Variants in PKD1 observed in about 807,000 individuals in gnomAD.
The protein encoded by PKD1 is polycystin-1.
Under a neutral mutation model 361.7 loss-of-function variants are expected in PKD1, and 81 were observed. The ratio of observed to expected loss-of-function variants is 0.22; its 90% CI spans 0.19 to 0.27. PKD1 has a LOEUF of 0.27. PKD1 is among the 10% of genes least tolerant of loss of function. PKD1 has a pLI of 1.00. For missense variants in PKD1, 6,399 were observed against 6,118.3 expected (o/e 1.05, Z -1.53); for synonymous variants, 3,615 against 2,818.3 (o/e 1.28, Z -8.95).
At chr16:2,099,426 C>T (rs1329304336) in intron 30 of PKD1, 14 of 651,726 alleles carry the variant, frequency 2.1e-5, no homozygotes, top group Non-Finnish European at 3.9e-5. Context: ...GTCTGCTTAG[C>T]AAAGTGCCCT....
At position 2,102,900 on chromosome 16, in the gene PKD1, C is replaced by A; in HGVS notation, c.8862G>T (p.Glu2954Asp). ...TCCTCCTGCTAGCCGAGCAGTTGTG[C>A]TCATTGGGCCGGGGCTCCGAGTGTA... The part of the protein sequence containing the change: ...VYLHSEPRPN[E>D]HNCSASRRIR... The change falls in exon 24 of 46, where the codon GAG becomes GAT. Residue 2954 changes from glutamate to aspartate, a missense_variant. Glu to Asp is a conservative substitution (Grantham distance 45). Coordinates refer to ENST00000262304, the MANE Select transcript of PKD1 (RefSeq NM_001009944.3). 6.2e-7 allele frequency: 1 copy of A among 1,609,994 alleles called. No individual in the cohort carries two copies. Among genetic ancestry groups the A allele is most frequent in the South Asian group, 1.1e-5 (1 of 90,994 alleles).
In PKD1 at chr16:2,135,554, C is replaced by G; in HGVS notation, c.136G>C (p.Ala46Pro). Residue 46 changes from alanine (A) to proline (P), a missense_variant, in exon 1 of 46, where the codon GCC (alanine) becomes CCC (proline). By Grantham distance (27) the Ala-to-Pro change is conservative (BLOSUM62 -1). Coordinates refer to ENST00000262304, the MANE Select transcript of PKD1 (RefSeq NM_001009944.3). ...CGGCCCGAGCAGTTGACGCGGCAGG[C>G]GGCGCCGGGCGCTGGGCCGCAGAGG... ...PCLCGPAPGA[A>P]CRVNCSGRGL... 8.9e-7 allele frequency: 1 copy of G among 1,125,674 alleles called. No individual in the cohort carries two copies. Among genetic ancestry groups the G allele is most frequent in the South Asian group, 4.3e-5 (1 of 23,386 alleles). 69.7% of individuals were successfully genotyped at this position (1,125,674 alleles called of 1,614,324 possible). A position where few individuals can be genotyped will look rare whatever the true frequency, so the allele number is the denominator to read the frequency against.
intron 1 of PKD1, among the ~76,000 whole-genome samples, chr16:2,121,515 G>A (rs1473262724): frequency 1.3e-5 from 2 of 152,200 alleles, no homozygotes; most frequent in Admixed American, 1.3e-4. Context: ...CATGTCAGTA[G>A]TCAGTGAAGA....
chr16:2,090,766 C>T lies in PKD1; in HGVS notation c.12046G>A (p.Gly4016Ser), dbSNP rs1302467606. 4 of 1,612,610 alleles carry T rather than the reference C, an allele frequency of 2.5e-6. No homozygotes were observed. Among genetic ancestry groups the T allele is most frequent in the East Asian group, 2.2e-5 (1 of 44,880 alleles). The part of the protein sequence containing the change: ...LRFVRQWSVF[G>S]KTLCRALPEL... ...GGCAGAGCTCGGCATAATGTCTTGC[C>T]AAAGACGGACCACTGGCGCACGAAG... Residue 4016 changes from glycine (G) to serine (S), a missense_variant, in exon 44 of 46, where the codon GGC (glycine) becomes AGC (serine). Transcript: ENST00000262304.
At position 2,109,346 on chromosome 16, in the gene PKD1, G is replaced by A. The variant is rs951092913; in HGVS notation, c.5821C>T (p.Pro1941Ser). The A allele has an allele frequency of 1.9e-6, 3 of 1,591,436 alleles. No individual in the cohort carries two copies. The highest frequency in any genetic ancestry group is 2.6e-6 in the Non-Finnish European group (3 of 1,173,262). ...CTCACCACGTGGTCTCCGACGCGGG[G>A]GAAGCTGTGGGAGAAACGGGGCCCG... ...LPGPRFSHSF[P>S]RVGDHVVSVR... Residue 1941 changes from proline to serine, a missense_variant, in exon 15 of 46, where the codon CCC becomes TCC. Transcript: ENST00000262304.
chr16:2,112,685 G>A (rs1258465996), intron 13 of PKD1, 103 bp downstream of exon 13: 18 of 1,311,102 alleles, frequency 1.4e-5, no homozygotes, highest in Non-Finnish European at 1.8e-5. Context: ...CAGGGAAACC[G>A]AGGCTCAGAA....
chr16:2,128,418 C>T lies in PKD1; in HGVS notation c.215+7057G>A, dbSNP rs532731383. 1.8e-3 allele frequency among the ~76,000 whole-genome samples: 265 copies of T among 151,124 alleles called. 4 individuals are homozygous for T. Among genetic ancestry groups the T allele is most frequent in the Non-Finnish European group, 1.8e-3 (124 of 67,806 alleles). ...CCCTCAGCCCCTCGGGGAGTGCAAG[C>T]ACATCGCAGCCCGACTCGGAAGCGC... is the stretch of plus-strand genomic sequence containing the variant. On this transcript the variant is annotated intron_variant, in intron 1 of 45. Coordinates refer to ENST00000262304, the MANE Select transcript of PKD1 (RefSeq NM_001009944.3).
chr16:2,122,351 C>T (rs1320232567), intron 1 of PKD1, among the ~76,000 whole-genome samples: 2 of 152,174 alleles, frequency 1.3e-5, no homozygotes, highest in Non-Finnish European at 2.9e-5. Context: ...CCCTGGGCTC[C>T]GGGAGGGGAG....
intron 41 of PKD1, 45 bp downstream of exon 41, chr16:2,091,736 G>A: frequency 6.2e-7 from 1 of 1,602,742 alleles, no homozygotes; most frequent in Non-Finnish European, 8.5e-7. Flanking sequence ...GCTCCTGGCT[G>A]GTGACTGCGG....
chr16:2,100,812 G>A lies in PKD1; in HGVS notation c.9398-246C>T, dbSNP rs1335185130. On this transcript the variant is annotated intron_variant, in intron 26 of 45. Transcript: ENST00000262304. The surrounding 1 kb of genome is among the most constrained non-coding windows in gnomAD (Gnocchi z 4.4). Reference sequence around the variant, plus strand: ...TAACTTGTGACATGCAAACATGGCTGCACACGCCTCAGTCCACACCACAAC... The same window carrying A: ...TAACTTGTGACATGCAAACATGGCTACACACGCCTCAGTCCACACCACAAC... The A allele has an allele frequency of 5.4e-6, 3 of 552,920 alleles. No individual in the cohort carries two copies. The highest frequency in any genetic ancestry group is 9.8e-6 in the Non-Finnish European group (3 of 305,612). 34.3% of individuals were successfully genotyped at this position (552,920 alleles called of 1,614,324 possible).
chr16:2,101,837 C>T (rs1190232500), intron 26 of PKD1: 11 of 615,338 alleles, frequency 1.8e-5, no homozygotes, highest in Non-Finnish European at 2.9e-5. Context: ...ACGTGGGCTG[C>T]CCACCCTGAC....
rs184555741 is a variant in PKD1, at chr16:2,096,436, G to A, written c.10499+712C>T. Among the ~76,000 whole-genome samples, 532 of 152,336 alleles carry A rather than the reference G, an allele frequency of 3.5e-3. 1 individual carries two copies. The highest frequency in any genetic ancestry group is 0.012 in the African/African-American group (511 of 41,588). The stretch of plus-strand genomic sequence containing the variant: ...CGCTCCGCCGCCGGCTGCCATGTGC[G>A]TGACTATGTGCGTGACTACATACAA... On this transcript the variant is annotated intron_variant, in intron 34 of 45. Coordinates refer to ENST00000262304, the MANE Select transcript of PKD1 (RefSeq NM_001009944.3).
At position 2,106,506 on chromosome 16, in the gene PKD1, C is replaced by A. The variant is rs142261601; in HGVS notation, c.7381G>T (p.Ala2461Ser). The part of the protein sequence containing the change: ...LGRSGEEEGC[A>S]SIRLSPNRPP... ...CGGTTGGGGGACAGGCGGATGGAGGCGCAGCCCTCCTCCTCGCCAGAGCGG... is the reference window on the plus strand; with the variant it reads ...CGGTTGGGGGACAGGCGGATGGAGGAGCAGCCCTCCTCCTCGCCAGAGCGG... The change falls in exon 18 of 46, where the codon GCC becomes TCC. Residue 2461 changes from alanine to serine, a missense_variant. Transcript: ENST00000262304. The surrounding 1 kb of genome is among the most constrained non-coding windows in gnomAD (Gnocchi z 6.5). 6.3e-7 allele frequency: 1 copy of A among 1,594,560 alleles called. No homozygotes were observed. The highest frequency in any genetic ancestry group is 8.5e-7 in the Non-Finnish European group (1 of 1,177,996).
intron 1 of PKD1, among the ~76,000 whole-genome samples, chr16:2,124,044 C>T (rs1217194581): frequency 6.6e-6 from 1 of 152,162 alleles, no homozygotes; most frequent in Admixed American, 6.5e-5. Flanking sequence ...GCTGCTGGGG[C>T]ACCACTGGGT....
In PKD1 at chr16:2,125,074, G is replaced by T. The variant is rs548174347; in HGVS notation, c.216-5696C>A. On this transcript the variant is annotated intron_variant, in intron 1 of 45. Transcript: ENST00000262304. ...CCCACTGCGGCCCCTTCCTCGCTGG[G>T]CCAGCCGAGCCATGACCTCATCTGT... is the stretch of plus-strand genomic sequence containing the variant. Among the ~76,000 whole-genome samples, 5 of 152,338 alleles carry T rather than the reference G, an allele frequency of 3.3e-5. No homozygotes were observed. In the South Asian group the frequency reaches 1.0e-3, roughly 32 times the overall value.
At position 2,110,452 on chromosome 16, in the gene PKD1, A is replaced by G. The variant is rs1353179832; in HGVS notation, c.4715T>C (p.Leu1572Pro). The change falls in exon 15 of 46, where the codon CTG becomes CCG. Residue 1572 changes from leucine (L) to proline (P), a missense_variant. Leu to Pro is a moderately conservative substitution (Grantham distance 98). Coordinates refer to ENST00000262304, the MANE Select transcript of PKD1 (RefSeq NM_001009944.3). ...LNGSVSFSTSLEAGSDVRYSW... is the reference protein window; with the variant it reads ...LNGSVSFSTSPEAGSDVRYSW... ...ATAGCGCACATCACTGCCGGCCTCC[A>G]GCGACGTGCTGAAGCTCACGCTCCC... 5.6e-6 allele frequency: 9 copies of G among 1,612,466 alleles called. No homozygotes were observed. Among genetic ancestry groups the G allele is most frequent in the Non-Finnish European group, 7.6e-6 (9 of 1,179,858 alleles).
chr16:2,094,998 G>C (rs967136079), intron 34 of PKD1: 3 of 152,270 alleles, frequency 2.0e-5, no homozygotes, highest in Non-Finnish European at 4.4e-5. Context: ...CTCTTGGCTG[G>C]GCGCAGTGTC....
rs1278435354 is a variant in PKD1 at position 2,114,456 on chromosome 16, GTGGCGT to G, written c.2561_2566del (p.Asn854_Ala855del). On this transcript the variant is annotated inframe_deletion, in exon 11 of 46. Coordinates refer to ENST00000262304, the MANE Select transcript of PKD1 (RefSeq NM_001009944.3). ...GCCCCCAGGCCAGCGAGCCGTGGCC[GTGGCGT>G]TGGCACCAGAGTCCACCTGGAGCAC... is the stretch of plus-strand genomic sequence containing the variant. 2 of 1,597,934 alleles carry G rather than the reference GTGGCGT, an allele frequency of 1.3e-6. No individual in the cohort carries two copies. The highest frequency in any genetic ancestry group is 2.7e-5 in the African/African-American group (2 of 74,848).
Position 2,090,213 on chromosome 16 carries a change from C to A in PKD1, c.12445-19G>T. ...GGCGGAACTGGGGGCGGCACAGGGG[C>A]TCAGTCAGTCCGGCTGCACCCTGGG... On this transcript the variant is annotated intron_variant, in intron 45 of 45. Transcript: ENST00000262304. 1 of 1,608,404 alleles carries A rather than the reference C, an allele frequency of 6.2e-7. No homozygotes were observed. Among genetic ancestry groups the A allele is most frequent in the Non-Finnish European group, 8.5e-7 (1 of 1,177,614 alleles).
Sources: allele counts gnomAD v4.1 joint callset (sites outside exome capture counted in the v4.1 genomes callset), GRCh38; gene constraint gnomAD v4.1.1; non-coding constraint Gnocchi (gnomAD v3.1); transcripts MANE v1.5; gene names NCBI Gene and HGNC (gene_info 2026-07-23, HGNC 2026-07-21).